The following STRN variants were observed in gnomAD, a reference collection of about 807,000 sequenced individuals.
STRN encodes striatin, also known as protein phosphatase 2 regulatory subunit B'''alpha.
A neutral mutation model predicts 96.3 loss-of-function variants in STRN; 53 were observed. The ratio of observed to expected loss-of-function variants is 0.55; its 90% CI spans 0.44 to 0.69. The LOEUF (loss-of-function observed/expected upper bound fraction) is 0.69, where lower values mean the gene tolerates loss of function less well. STRN is among the 30% of genes least tolerant of loss of function. The probability of loss-of-function intolerance (pLI) is 0.00; values close to 1 mark genes in which losing one functional copy is unlikely to be tolerated. For synonymous variants in STRN, 428 were observed against 355.9 expected (o/e 1.20, Z -2.28); for missense variants, 987 against 963.9 (o/e 1.02, Z -0.32).
intron 3 of STRN, among the ~76,000 whole-genome samples, chr2:36,914,383 C>G (rs1178833417): frequency 6.6e-6 from 1 of 152,204 alleles, no homozygotes; most frequent in Non-Finnish European, 1.5e-5. Context: ...AAATACAACA[C>G]TAATTAAAAT....
chr2:36,898,594 C>T (rs751355899), intron 6 of STRN, among the ~76,000 whole-genome samples: 31 of 152,132 alleles, frequency 2.0e-4, no homozygotes, highest in Admixed American at 5.9e-4. Flanking sequence ...TCTCTTTGTT[C>T]CTCACAAAAT....
chr2:36,850,807 T>C (rs1056558516), intron 16 of STRN, among the ~76,000 whole-genome samples, 193 bp downstream of exon 16: 2 of 152,168 alleles, frequency 1.3e-5, no homozygotes, highest in African/African-American at 4.8e-5. Context: ...ACCAAAATGA[T>C]TCTGTATTGT....
Position 36,867,815 on chromosome 2 carries a change from T to A in STRN, c.1546A>T (p.Lys516Ter). 6.4e-7 allele frequency: 1 copy of A among 1,569,452 alleles called. No individual in the cohort carries two copies. The highest frequency in any genetic ancestry group is 8.6e-7 in the Non-Finnish European group (1 of 1,158,476). ...VEPIYTFRAH[K>*]GPVLCVVMSS... The stretch of plus-strand genomic sequence containing the variant: ...AATAAAGAAAAAACATATACTTACT[T>A]ATGGGCTCTGAATGTATAGATAGGT... Residue 516 changes from lysine to a stop codon, truncating the protein, a stop_gained and splice_region_variant, in exon 12 of 18, where the codon AAA (lysine) becomes TAA (stop). Transcript: ENST00000263918. LOFTEE classifies it high-confidence loss of function.
chr2:36,856,421 A>T (rs1374845070), intron 14 of STRN, among the ~76,000 whole-genome samples: 1 of 152,246 alleles, frequency 6.6e-6, no homozygotes. Flanking sequence ...ATAAATGAAT[A>T]GACAAATTAT....
At chr2:36,893,147 CAT>C (rs1558640818) in intron 7 of STRN, among the ~76,000 whole-genome samples, 1 of 151,912 alleles carries the variant, frequency 6.6e-6, no homozygotes, top group African/African-American at 2.4e-5. Flanking sequence ...AAAGCATAAA[CAT>C]AGCAGATCCT....
intron 9 of STRN, among the ~76,000 whole-genome samples, chr2:36,883,680 C>T (rs1669137717): frequency 6.6e-6 from 1 of 152,110 alleles, no homozygotes; most frequent in African/African-American, 2.4e-5. Context: ...CCATGGGCAT[C>T]AGTGGAGCCA....
intron 9 of STRN, among the ~76,000 whole-genome samples, chr2:36,880,127 C>T (rs1669029700): frequency 6.6e-6 from 1 of 152,168 alleles, no homozygotes; most frequent in African/African-American, 2.4e-5. Context: ...GCCACCATGC[C>T]TGGCTAATTT....
rs566996119 is a variant in STRN, at chr2:36,965,027, T to G, written c.234+1203A>C. On this transcript the variant is annotated intron_variant, in intron 1 of 17. Coordinates refer to ENST00000263918, the MANE Select transcript of STRN (RefSeq NM_003162.4). ...TACTATAACCTTGTCTACTACAGCC[T>G]TGTGTGTTCGCTCTTTCCACAGCCA... Among the ~76,000 whole-genome samples, 3 of 152,306 alleles carry G rather than the reference T, an allele frequency of 2.0e-5. No homozygotes were observed. In the East Asian group the frequency reaches 5.8e-4, roughly 29 times the overall value.
At chr2:36,920,820 T>C (rs1450757667) in intron 2 of STRN, among the ~76,000 whole-genome samples, 3 of 152,036 alleles carry the variant, frequency 2.0e-5, no homozygotes, top group Non-Finnish European at 4.4e-5. Context: ...CTCACGTCTG[T>C]GATCCCAACA....
At chr2:36,933,268 G>A (rs1233527083) in intron 1 of STRN, among the ~76,000 whole-genome samples, 2 of 152,128 alleles carry the variant, frequency 1.3e-5, no homozygotes, top group Non-Finnish European at 2.9e-5. Flanking sequence ...ATATGGGAGG[G>A]TGTGCATAGT....
intron 1 of STRN, among the ~76,000 whole-genome samples, chr2:36,962,821 T>C (rs1277428679): frequency 6.6e-6 from 1 of 152,238 alleles, no homozygotes; most frequent in Admixed American, 6.5e-5. Flanking sequence ...CCTTCACTAT[T>C]CTAAAGAAAT....
At chr2:36,923,190 C>T (rs1429491385) in intron 2 of STRN, among the ~76,000 whole-genome samples, 7 of 151,248 alleles carry the variant, frequency 4.6e-5, no homozygotes, top group African/African-American at 1.5e-4. Context: ...TCGCTCACGC[C>T]TGTAATCCCA....
At chr2:36,872,741 G>T (rs1255995432) in intron 10 of STRN, among the ~76,000 whole-genome samples, 3 of 152,180 alleles carry the variant, frequency 2.0e-5, no homozygotes, top group African/African-American at 4.8e-5. Flanking sequence ...TCTTTGTGGG[G>T]ATAGAATAGA....
intron 1 of STRN, among the ~76,000 whole-genome samples, chr2:36,957,744 CTTTTTTTTT>C (rs1159531782): frequency 4.5e-5 from 4 of 89,208 alleles, no homozygotes; most frequent in African/African-American, 1.3e-4. Flanking sequence ...TTCTTTTTGT[CTTTTTTTTT>C]TTTTTTTTTT....
At chr2:36,923,382 C>G (rs201977247) in intron 2 of STRN, among the ~76,000 whole-genome samples, 2 of 129,612 alleles carry the variant, frequency 1.5e-5, no homozygotes, top group Admixed American at 1.7e-4. Flanking sequence ...GCCCAGAAGG[C>G]GGAGGTTGCA....
chr2:36,911,616 C>T (rs1216875469), intron 3 of STRN, among the ~76,000 whole-genome samples: 2 of 152,202 alleles, frequency 1.3e-5, no homozygotes, highest in African/African-American at 4.8e-5. Flanking sequence ...CTGACCTGCT[C>T]TAGACCAGAA....
chr2:36,846,140 A>C lies in STRN; in HGVS notation c.*3316T>G, dbSNP rs1028926163. 3.3e-5 allele frequency: 5 copies of C among 150,990 alleles called. No individual in the cohort carries two copies. The highest frequency in any genetic ancestry group is 7.4e-5 in the Non-Finnish European group (5 of 67,822). 9.4% of individuals were successfully genotyped at this position (150,990 alleles called of 1,614,324 possible). On this transcript the variant is annotated 3_prime_UTR_variant, in exon 18 of 18. Coordinates refer to ENST00000263918, the MANE Select transcript of STRN (RefSeq NM_003162.4). The stretch of plus-strand genomic sequence containing the variant: ...GGAAATAGTTCAGTACTGAGAATAA[A>C]ATATTTTTCAATTCACATTTGAATA...
rs1667967147 is a variant in STRN, at chr2:36,842,106, C to T, written c.*7350G>A. The T allele has an allele frequency of 6.6e-6, 1 of 152,190 alleles. No homozygotes were observed. Among genetic ancestry groups the T allele is most frequent in the Admixed American group, 6.5e-5 (1 of 15,276 alleles). 9.4% of individuals were successfully genotyped at this position (152,190 alleles called of 1,614,324 possible). ...CCAAAGGGAAGTAGTTGGATGCCAG[C>T]ATACTTTAACATTTCGGCACATATA... On this transcript the variant is annotated 3_prime_UTR_variant, in exon 18 of 18. Transcript: ENST00000263918.
intron 13 of STRN, among the ~76,000 whole-genome samples, chr2:36,859,477 T>C (rs1196434462): frequency 6.6e-6 from 1 of 152,158 alleles, no homozygotes; most frequent in Admixed American, 6.5e-5. Flanking sequence ...ATTCTCATAG[T>C]GCCACCAACT....
Sources: allele counts gnomAD v4.1 joint callset (sites outside exome capture counted in the v4.1 genomes callset), GRCh38; gene constraint gnomAD v4.1.1; transcripts MANE v1.5; gene names NCBI Gene and HGNC (gene_info 2026-07-23, HGNC 2026-07-21).